MAGI1: variants seen among roughly 807,000 people sequenced by gnomAD.
MAGI1 encodes the protein membrane-associated guanylate kinase, WW and PDZ domain-containing protein 1.
A neutral mutation model predicts 139.9 loss-of-function variants in MAGI1; 58 were observed. The observed-to-expected ratio is 0.41, with a 90% CI of 0.34 to 0.52. The LOEUF is 0.52. MAGI1 is among the 20% of genes least tolerant of loss of function. MAGI1 has a pLI of 0.12. For missense variants in MAGI1, 1,874 were observed against 1,901.6 expected (o/e 0.99, Z 0.27); for synonymous variants, 812 against 737.9 (o/e 1.10, Z -1.63).
At chr3:65,837,990 C>T (rs1356767578) in intron 1 of MAGI1, among the ~76,000 whole-genome samples, 1 of 152,150 alleles carries the variant, frequency 6.6e-6, no homozygotes, top group East Asian at 1.9e-4. Flanking sequence ...CCAGATTCCC[C>T]CATAGGTTCC....
At chr3:65,530,761 A>ATATATATACACATATATATACACG (rs1559642827) in intron 2 of MAGI1, among the ~76,000 whole-genome samples, 1 of 13,260 alleles carries the variant, frequency 7.5e-5, no homozygotes, top group African/African-American at 2.5e-4. Flanking sequence ...ATACACGTAT[A>ATATATATACACATATATATACACG]TATATATATA....
intron 2 of MAGI1, among the ~76,000 whole-genome samples, chr3:65,503,091 G>T (rs1025236338): frequency 6.6e-6 from 1 of 152,116 alleles, no homozygotes; most frequent in African/African-American, 2.4e-5. Flanking sequence ...TCCCAGGTGT[G>T]CTGTACCTCC....
intron 1 of MAGI1, among the ~76,000 whole-genome samples, chr3:65,780,593 TAA>T (rs2038852562): frequency 6.6e-6 from 1 of 152,208 alleles, no homozygotes; most frequent in Non-Finnish European, 1.5e-5. Flanking sequence ...ACAGCTGACT[TAA>T]AGTTTCCTCT....
At chr3:65,859,924 C>A (rs1365231748) in intron 1 of MAGI1, among the ~76,000 whole-genome samples, 2 of 148,686 alleles carry the variant, frequency 1.3e-5, no homozygotes, top group Non-Finnish European at 3.0e-5. Flanking sequence ...TTTTTTGAGA[C>A]ACAATTTTGC....
chr3:65,890,134 G>GA (rs397730800), intron 1 of MAGI1, among the ~76,000 whole-genome samples: 1 of 24,344 alleles, frequency 4.1e-5, no homozygotes, highest in Non-Finnish European at 6.3e-5. Context: ...GGGAGGCCGA[G>GA]TGGACGGATC....
chr3:65,365,913 CAA>C (rs1941377981), intron 18 of MAGI1, among the ~76,000 whole-genome samples: 1 of 152,190 alleles, frequency 6.6e-6, no homozygotes, highest in African/African-American at 2.4e-5. Context: ...AGTCCTGGAA[CAA>C]AAGACATCCC....
chr3:65,470,480 A>C lies in MAGI1; in HGVS notation c.762T>G (p.Asp254Glu). The stretch of plus-strand genomic sequence containing the variant: ...GAGTGTGCTCCTCTTGTTCACCAGA[A>C]TCGGCTGCTTAATCATGTGAAGAGG... ...VPEMNSSFTA[D>E]SGEQEEHTLQ... Residue 254 changes from aspartate to glutamate, a missense_variant, in exon 5 of 23, where the codon GAT (aspartate) becomes GAG (glutamate). By Grantham distance (45) the Asp-to-Glu change is conservative. Around this residue, in one of 5 missense-constraint regions of MAGI1, gnomAD observed 648 missense variants for 598.1 expected, o/e 1.08. Transcript: ENST00000402939. 1 of 1,611,020 alleles carries C rather than the reference A, an allele frequency of 6.2e-7. No individual in the cohort carries two copies. Among genetic ancestry groups the C allele is most frequent in the Non-Finnish European group, 8.5e-7 (1 of 1,178,138 alleles).
At chr3:65,727,081 G>C (rs1460982286) in intron 1 of MAGI1, among the ~76,000 whole-genome samples, 8 of 152,082 alleles carry the variant, frequency 5.3e-5, no homozygotes, top group Non-Finnish European at 4.4e-5. Context: ...AAAATATATG[G>C]GATGGAGAAA....
intron 1 of MAGI1, among the ~76,000 whole-genome samples, chr3:65,925,704 G>A (rs2062466594): frequency 6.6e-6 from 1 of 151,936 alleles, no homozygotes; most frequent in South Asian, 2.1e-4. Context: ...TTTTTAGACA[G>A]GATCTCCCTC....
At chr3:65,565,371 C>A (rs2080565149) in intron 2 of MAGI1, among the ~76,000 whole-genome samples, 1 of 152,026 alleles carries the variant, frequency 6.6e-6, no homozygotes, top group South Asian at 2.1e-4. Context: ...TACATAGGAC[C>A]ATTCATGGCC....
intron 2 of MAGI1, among the ~76,000 whole-genome samples, chr3:65,585,280 G>A (rs984353603): frequency 1.3e-5 from 2 of 152,182 alleles, no homozygotes; most frequent in Non-Finnish European, 2.9e-5. Flanking sequence ...TCAATGGTGA[G>A]CAGGACTGAC....
chr3:65,904,089 T>G (rs115054647), intron 1 of MAGI1, among the ~76,000 whole-genome samples: 2,033 of 152,284 alleles, frequency 0.013, 41 homozygotes, highest in African/African-American at 0.046. Flanking sequence ...GAGCACAGAC[T>G]ACTTAATCTT....
At chr3:65,443,755 AC>A (rs1270712338) in intron 7 of MAGI1, among the ~76,000 whole-genome samples, 1 of 152,192 alleles carries the variant, frequency 6.6e-6, no homozygotes, top group Non-Finnish European at 1.5e-5. Flanking sequence ...CTTCCCTGAT[AC>A]ACGTAGTCAA....
At chr3:65,465,048 C>T (rs1950082362) in intron 5 of MAGI1, among the ~76,000 whole-genome samples, 1 of 149,264 alleles carries the variant, frequency 6.7e-6, no homozygotes, top group East Asian at 1.9e-4. Context: ...CTGGCATTAT[C>T]ATTTTACCGC....
intron 3 of MAGI1, among the ~76,000 whole-genome samples, chr3:65,493,074 T>A (rs1952170511): frequency 2.1e-5 from 2 of 96,666 alleles, no homozygotes; most frequent in Non-Finnish European, 4.3e-5. Context: ...CGAGACTCCG[T>A]CTCAAAAAAA....
intron 1 of MAGI1, among the ~76,000 whole-genome samples, chr3:65,959,459 G>T (rs11914590): frequency 6.6e-6 from 1 of 151,798 alleles, no homozygotes; most frequent in Non-Finnish European, 1.5e-5. Context: ...TGTTATTTTG[G>T]TTTTTCCTTT....
chr3:65,471,160 A>G (rs1950538877), intron 4 of MAGI1, among the ~76,000 whole-genome samples: 1 of 152,180 alleles, frequency 6.6e-6, no homozygotes, highest in South Asian at 2.1e-4. Flanking sequence ...GTGGACTGAT[A>G]TGACTTGAGT....
At chr3:65,489,672 T>C (rs1164793398) in intron 3 of MAGI1, among the ~76,000 whole-genome samples, 1 of 152,200 alleles carries the variant, frequency 6.6e-6, no homozygotes, top group Admixed American at 6.5e-5. Context: ...GGTGAAACTG[T>C]ATGCGGTAAT....
intron 1 of MAGI1, among the ~76,000 whole-genome samples, chr3:65,697,264 G>A (rs2107595037): frequency 6.6e-6 from 1 of 151,960 alleles, no homozygotes; most frequent in African/African-American, 2.4e-5. Context: ...TCCAGGACCA[G>A]ATGGATTCAC....
Sources: allele counts gnomAD v4.1 joint callset (sites outside exome capture counted in the v4.1 genomes callset), GRCh38; gene constraint gnomAD v4.1.1; regional missense constraint gnomAD v4.1.1; transcripts MANE v1.5; gene names NCBI Gene and HGNC (gene_info 2026-07-23, HGNC 2026-07-21).